The following DNAH3 variants were observed in gnomAD, a reference collection of about 807,000 sequenced individuals.
DNAH3 encodes dynein axonemal heavy chain 3.
DNAH3 carries 332 observed loss-of-function variants against 432.5 expected under a neutral mutation model. The ratio of observed to expected loss-of-function variants is 0.77; its 90% CI spans 0.70 to 0.84. DNAH3 has a LOEUF of 0.84. Among genes scored for constraint, DNAH3 ranks in the 40% least tolerant of loss-of-function variants. The pLI is 0.00. For synonymous variants in DNAH3, 1,956 were observed against 1,900.2 expected, an observed-to-expected ratio of 1.03 and a Z score of -0.76; for missense variants, 4,861 against 5,114.0, an observed-to-expected ratio of 0.95 and a Z score of 1.51.
At chr16:21,005,913 A>G (rs531595763) in intron 41 of DNAH3, among the ~76,000 whole-genome samples, 75 of 151,796 alleles carry the variant, frequency 4.9e-4, no homozygotes, top group Non-Finnish European at 8.4e-4. Context: ...TGGAAGTCCA[A>G]TAATTTAATT....
At chr16:21,069,117 G>C (rs936236646) in intron 23 of DNAH3, among the ~76,000 whole-genome samples, 1 of 134,792 alleles carries the variant, frequency 7.4e-6, no homozygotes, top group African/African-American at 2.7e-5. Context: ...GTGTGTGTGT[G>C]TTTTTAGTAG....
At chr16:20,941,470 T>A in exon 59 of DNAH3, 1 of 1,614,166 alleles carries the variant, frequency 6.2e-7, no homozygotes, top group African/African-American at 1.3e-5. Context: ...GGGGTACAAC[T>A]TCATGACCTC....
Position 21,154,055 on chromosome 16 carries a change from G to A in DNAH3, c.117+5270C>T, listed in dbSNP as rs1265661083. On this transcript the variant is annotated intron_variant, in intron 1 of 61. Transcript: ENST00000261383. ...GGAAGATTATCAGGTCTCCTATACT[G>A]GGTGTGAAACCTCATGTCCCACCAA... Among the ~76,000 whole-genome samples the A allele has an allele frequency of 3.3e-5, 5 of 152,168 alleles. No homozygotes were observed. The South Asian group carries it at 8.3e-4, about 25-fold the overall frequency.
chr16:21,122,633 C>G (rs563689672), intron 9 of DNAH3, among the ~76,000 whole-genome samples: 1 of 152,272 alleles, frequency 6.6e-6, no homozygotes, highest in South Asian at 2.1e-4. Context: ...TTTCCCAAAG[C>G]CTTTATTCCC....
chr16:21,037,728 G>A (rs773669141), intron 34 of DNAH3, 33 bp downstream of exon 34: 1 of 1,585,416 alleles, frequency 6.3e-7, no homozygotes, highest in Non-Finnish European at 8.7e-7. Context: ...ATTGAGCCTT[G>A]GTCCTCGGCC....
intron 44 of DNAH3, among the ~76,000 whole-genome samples, chr16:20,996,467 CT>C (rs540287341): frequency 2.7e-5 from 4 of 149,660 alleles, no homozygotes; most frequent in African/African-American, 7.4e-5. Context: ...CCATCCTTAA[CT>C]TTTTTTTTTG....
At chr16:21,049,824 C>A (rs2089876395) in intron 30 of DNAH3, 86 bp downstream of exon 30, 2 of 1,380,802 alleles carry the variant, frequency 1.4e-6, no homozygotes, top group Non-Finnish European at 2.1e-6. Flanking sequence ...TAATGCTAAA[C>A]CATCTTAAAG....
At chr16:21,112,226 A>C in intron 12 of DNAH3, 128 bp from the exon 13 acceptor site, 1 of 648,442 alleles carries the variant, frequency 1.5e-6, no homozygotes, top group Non-Finnish European at 2.6e-6. Flanking sequence ...AGAGAACTAT[A>C]ATGTGGCAAA....
At chr16:21,024,800 G>A in intron 38 of DNAH3, 99 bp from the exon 39 acceptor site, 7 of 902,344 alleles carry the variant, frequency 7.8e-6, no homozygotes, top group Non-Finnish European at 1.3e-5. Flanking sequence ...CACCATGCTA[G>A]GCATTAATGG....
At chr16:21,109,197 A>C (rs1451886317) in intron 14 of DNAH3, among the ~76,000 whole-genome samples, 1 of 152,170 alleles carries the variant, frequency 6.6e-6, no homozygotes, top group South Asian at 2.1e-4. Context: ...AAGGCCAGCT[A>C]TTCTGGCTCC....
chr16:20,943,259 G>A (rs1225355944), intron 58 of DNAH3, among the ~76,000 whole-genome samples: 1 of 145,806 alleles, frequency 6.9e-6, no homozygotes, highest in Non-Finnish European at 1.5e-5. Context: ...TTTTTTTTTT[G>A]TATAGACGGC....
exon 55 of DNAH3, chr16:20,954,918 C>G (rs1567520863): frequency 1.2e-6 from 2 of 1,614,126 alleles, no homozygotes; most frequent in Admixed American, 3.3e-5. Flanking sequence ...TGGAAGAACA[C>G]AGGATCTGAG....
At chr16:21,134,701 G>A (rs1017702067) in intron 6 of DNAH3, among the ~76,000 whole-genome samples, 1 of 151,342 alleles carries the variant, frequency 6.6e-6, no homozygotes, top group Non-Finnish European at 1.5e-5. Context: ...TATTTTTTGA[G>A]ATGGAGTCTC....
intron 1 of DNAH3, among the ~76,000 whole-genome samples, chr16:21,154,869 T>C (rs1042283537): frequency 6.6e-6 from 1 of 152,204 alleles, no homozygotes; most frequent in Non-Finnish European, 1.5e-5. Flanking sequence ...CCAGAATTGT[T>C]TGTTGTCTGA....
chr16:21,073,799 C>T (rs1597314663), intron 21 of DNAH3, among the ~76,000 whole-genome samples: 1 of 152,098 alleles, frequency 6.6e-6, no homozygotes, highest in African/African-American at 2.4e-5. Flanking sequence ...ACAAGACTGT[C>T]GTTCCTGAGG....
chr16:21,124,729 A>C (rs1008675505), intron 9 of DNAH3, among the ~76,000 whole-genome samples: 8 of 151,700 alleles, frequency 5.3e-5, no homozygotes. Flanking sequence ...GTCTCACTGC[A>C]ACTTCCGCCG....
rs553628476 is a variant in DNAH3, at chr16:20,990,187, C to G, written c.6602-2122G>C. On this transcript the variant is annotated intron_variant, in intron 44 of 61. Transcript: ENST00000261383. The stretch of plus-strand genomic sequence containing the variant: ...GCGAGCCAGGGCTGTGAGGACTTGC[C>G]AGCACGCTGTCACCTCTCACTTTCA... 1.5e-4 allele frequency among the ~76,000 whole-genome samples: 23 copies of G among 152,350 alleles called. No individual in the cohort carries two copies. The South Asian group carries it at 4.8e-3, about 32-fold the overall frequency.
intron 33 of DNAH3, among the ~76,000 whole-genome samples, chr16:21,038,722 C>T (rs2089288669): frequency 6.6e-6 from 1 of 152,164 alleles, no homozygotes; most frequent in South Asian, 2.1e-4. Context: ...CAGCACAGGG[C>T]TGGGCATAAG....
chr16:20,966,258 C>T (rs910458495), intron 52 of DNAH3, among the ~76,000 whole-genome samples: 5 of 150,426 alleles, frequency 3.3e-5, no homozygotes, highest in Non-Finnish European at 5.9e-5. Flanking sequence ...AGGCTGGTCT[C>T]GAACTCCTGA....
Sources: gnomAD v4.1 joint callset for allele counts (sites outside exome capture counted in the v4.1 genomes callset) on GRCh38, gnomAD v4.1.1 for gene constraint, MANE v1.5 for transcripts, NCBI Gene and HGNC (gene_info 2026-07-23, HGNC 2026-07-21) for gene names.